Variants in CRTC1 observed in about 807,000 individuals in gnomAD.
CRTC1 encodes the protein CREB-regulated transcription coactivator 1.
CRTC1 carries 18 observed loss-of-function variants against 66.1 expected under a neutral mutation model. That is an observed-to-expected ratio of 0.27 (90% CI 0.19 to 0.40). The LOEUF is 0.40. Ranked by LOEUF, CRTC1 falls within the 10% of genes least tolerant of loss-of-function variation. CRTC1 has a pLI of 1.00. For missense variants in CRTC1, 669 were observed against 887.9 expected, an observed-to-expected ratio of 0.75 and a Z score of 3.13; for synonymous variants, 416 against 398.8, an observed-to-expected ratio of 1.04 and a Z score of -0.51.
chr19:18,748,092 C>T (rs1039981261), intron 4 of CRTC1, among the ~76,000 whole-genome samples: 1 of 151,962 alleles, frequency 6.6e-6, no homozygotes, highest in African/African-American at 2.4e-5. Context: ...CCTAAAATAA[C>T]AATAATATAG....
intron 1 of CRTC1, among the ~76,000 whole-genome samples, chr19:18,698,559 C>T (rs2053053772): frequency 6.6e-6 from 1 of 151,964 alleles, no homozygotes; most frequent in African/African-American, 2.4e-5. Context: ...TCAGCAGGTG[C>T]ACAGTGTGTA....
chr19:18,693,677 G>A (rs1029242386), intron 1 of CRTC1, among the ~76,000 whole-genome samples: 2 of 151,214 alleles, frequency 1.3e-5, no homozygotes, highest in Admixed American at 6.6e-5. Context: ...TAGAGACAGG[G>A]TTTCCCCATG....
intron 9 of CRTC1, among the ~76,000 whole-genome samples, chr19:18,766,208 C>CTTCCTGGG (rs1364309598): frequency 1.3e-5 from 2 of 149,176 alleles, no homozygotes; most frequent in Non-Finnish European, 3.0e-5. Context: ...GGCAACCTTG[C>CTTCCTGGG]TTCCTGGGTT....
At position 18,777,375 on chromosome 19, in the gene CRTC1, G is replaced by A. The variant is rs1171988042; in HGVS notation, c.1898G>A (p.Arg633His). The change falls in exon 14 of 14, where the codon CGC (arginine) becomes CAC (histidine). Residue 633 changes from arginine (R) to histidine (H), a missense_variant. Physicochemically the swap from Arg to His is conservative, Grantham distance 29 (BLOSUM62 0). Transcript: ENST00000321949. The surrounding 1 kb of genome is among the most constrained non-coding windows in gnomAD (Gnocchi z 5.5). Reference sequence around the variant, plus strand: ...ACCGAGGACACCTTCCGGATGGACCGCCTGTGAGCGGGCACGCCGGCACCC... The same window carrying A: ...ACCGAGGACACCTTCCGGATGGACCACCTGTGAGCGGGCACGCCGGCACCC... Reference protein sequence around the residue: ...PATEDTFRMDRL With the variant: ...PATEDTFRMDHL 5 of 1,602,486 alleles carry A rather than the reference G, an allele frequency of 3.1e-6. No individual in the cohort carries two copies. Among genetic ancestry groups the A allele is most frequent in the Non-Finnish European group, 4.2e-6 (5 of 1,179,810 alleles).
intron 6 of CRTC1, among the ~76,000 whole-genome samples, chr19:18,758,091 C>G (rs993767517): frequency 6.7e-6 from 1 of 148,692 alleles, no homozygotes; most frequent in African/African-American, 2.5e-5. Flanking sequence ...GGCCAGGCAC[C>G]GTGGCTCATG....
intron 1 of CRTC1, among the ~76,000 whole-genome samples, chr19:18,740,730 G>A (rs1436673900): frequency 4.6e-5 from 7 of 152,298 alleles, no homozygotes; most frequent in Non-Finnish European, 8.8e-5. Flanking sequence ...GAGGCCAGGC[G>A]CGGTGACTCA....
chr19:18,771,728 C>T lies in CRTC1; in HGVS notation c.1425+182C>T, dbSNP rs557798097. Among the ~76,000 whole-genome samples, 27 of 152,208 alleles carry T rather than the reference C, an allele frequency of 1.8e-4. No homozygotes were observed. The highest frequency in any genetic ancestry group is 3.5e-4 in the Non-Finnish European group (24 of 68,022). On this transcript the variant is annotated intron_variant, in intron 11 of 13. Transcript: ENST00000321949. This position sits in a 1 kb window ranked among gnomAD's most constrained non-coding sequence, Gnocchi z 4.6. The stretch of plus-strand genomic sequence containing the variant: ...CTACCAGGCTGCACCAGGGCAGGAA[C>T]CCCACAGGGTCCTTCCCAGGAGCCG...
At chr19:18,769,193 C>T (rs970589361) in intron 10 of CRTC1, among the ~76,000 whole-genome samples, 88 of 152,212 alleles carry the variant, frequency 5.8e-4, no homozygotes, top group African/African-American at 1.7e-3. Context: ...GAAGGAAAGA[C>T]GAGGCCAGTC....
Position 18,777,226 on chromosome 19 carries a change from G to A in CRTC1, c.1749G>A (p.Gly583=), listed in dbSNP as rs2055009679. 6.2e-7 allele frequency: 1 copy of A among 1,610,930 alleles called. No individual in the cohort carries two copies. Among genetic ancestry groups the A allele is most frequent in the Non-Finnish European group, 8.5e-7 (1 of 1,179,792 alleles). ...LSKELTSSLA[G]VGDVSFDSDS... ...AAGAACTGACCAGCTCTCTGGCCGG[G>A]GTCGGCGACGTCAGCTTCGACTCCG... The change falls in exon 14 of 14, where the codon GGG becomes GGA. Residue 583 remains glycine (G), a synonymous_variant. Transcript: ENST00000321949. This position sits in a 1 kb window ranked among gnomAD's most constrained non-coding sequence, Gnocchi z 5.5.
chr19:18,707,061 T>C (rs190732320), intron 1 of CRTC1, among the ~76,000 whole-genome samples: 1 of 152,278 alleles, frequency 6.6e-6, no homozygotes, highest in African/African-American at 2.4e-5. Flanking sequence ...AATTTATGTA[T>C]TTTTTCTTTT....
At chr19:18,757,152 C>T (rs2054507956) in intron 6 of CRTC1, among the ~76,000 whole-genome samples, 1 of 152,180 alleles carries the variant, frequency 6.6e-6, no homozygotes, top group Non-Finnish European at 1.5e-5. Context: ...GAAGTGTTTG[C>T]CCCAGGGCCC....
At chr19:18,710,124 T>G (rs546180585) in intron 1 of CRTC1, among the ~76,000 whole-genome samples, 12 of 151,508 alleles carry the variant, frequency 7.9e-5, no homozygotes, top group Non-Finnish European at 1.6e-4. Flanking sequence ...CCTGGAGTGC[T>G]CTTCCCAGCT....
intron 1 of CRTC1, among the ~76,000 whole-genome samples, chr19:18,689,672 G>A (rs192254255): frequency 3.5e-5 from 5 of 144,240 alleles, no homozygotes; most frequent in Admixed American, 1.4e-4. Flanking sequence ...CACCGTCACC[G>A]GCATGGCTCA....
intron 6 of CRTC1, among the ~76,000 whole-genome samples, chr19:18,757,877 G>C (rs1159320365): frequency 6.6e-6 from 1 of 150,848 alleles, no homozygotes; most frequent in Non-Finnish European, 1.5e-5. Flanking sequence ...AATTAGCCGG[G>C]CGTGGTGGCG....
chr19:18,743,764 A>G (rs1022926280), intron 2 of CRTC1, among the ~76,000 whole-genome samples: 2 of 152,212 alleles, frequency 1.3e-5, no homozygotes, highest in Non-Finnish European at 2.9e-5. Context: ...GCCGCTGGAC[A>G]GGGCAGGGAT....
intron 6 of CRTC1, among the ~76,000 whole-genome samples, chr19:18,754,490 A>G (rs1273578035): frequency 2.6e-5 from 4 of 152,200 alleles, no homozygotes; most frequent in African/African-American, 9.6e-5. Flanking sequence ...TCCACCCTGG[A>G]CAATAGAGCA....
chr19:18,718,151 T>C (rs1482933565), intron 1 of CRTC1, among the ~76,000 whole-genome samples: 1 of 151,878 alleles, frequency 6.6e-6, no homozygotes, highest in African/African-American at 2.4e-5. Context: ...TAGCAGTCCC[T>C]CCCCTCCTCT....
intron 1 of CRTC1, among the ~76,000 whole-genome samples, chr19:18,702,329 C>A (rs2053163528): frequency 6.6e-6 from 1 of 151,902 alleles, no homozygotes; most frequent in Non-Finnish European, 1.5e-5. Context: ...AGGCAGTCCT[C>A]CTGCCTCAGC....
Position 18,778,519 on chromosome 19 carries a change from G to A in CRTC1, c.*1137G>A, listed in dbSNP as rs2055043266. Reference sequence around the variant, plus strand: ...CACCCCAAGTTATCTCAAAACAAAAGGGCTGGTCAGGCTGGGCAGGGCCTT... The same window carrying A: ...CACCCCAAGTTATCTCAAAACAAAAAGGCTGGTCAGGCTGGGCAGGGCCTT... On this transcript the variant is annotated 3_prime_UTR_variant, in exon 14 of 14. Transcript: ENST00000321949. The A allele has an allele frequency of 2.2e-5, 5 of 231,732 alleles. No individual in the cohort carries two copies. In the Admixed American group the frequency reaches 2.3e-4, roughly 10 times the overall value. 14.4% of individuals were successfully genotyped at this position (231,732 alleles called of 1,614,324 possible).
Sources: allele counts gnomAD v4.1 joint callset (sites outside exome capture counted in the v4.1 genomes callset), GRCh38; gene constraint gnomAD v4.1.1; non-coding constraint Gnocchi (gnomAD v3.1); transcripts MANE v1.5; gene names NCBI Gene and HGNC (gene_info 2026-07-23, HGNC 2026-07-21).